CHKA: variants seen among roughly 807,000 people sequenced by gnomAD.
CHKA encodes the protein CHETK-alpha.
A neutral mutation model predicts 60.1 loss-of-function variants in CHKA; 34 were observed. The ratio of observed to expected loss-of-function variants is 0.57; its 90% CI spans 0.43 to 0.75. The LOEUF is 0.75. Ranked by LOEUF, CHKA falls within the 30% of genes least tolerant of loss-of-function variation. The probability of loss-of-function intolerance (pLI) is 0.00; values close to 1 mark genes in which losing one functional copy is unlikely to be tolerated. For synonymous variants in CHKA, 217 were observed against 223.1 expected (o/e 0.97, Z 0.24); for missense variants, 563 against 561.3 (o/e 1.00, Z -0.03).
At chr11:68,060,975 G>A (rs543065445) in intron 11 of CHKA, among the ~76,000 whole-genome samples, 13 of 151,994 alleles carry the variant, frequency 8.6e-5, no homozygotes, top group African/African-American at 3.1e-4. Flanking sequence ...CAGCTCACCA[G>A]ACTGTGGACA....
chr11:68,086,815 G>A (rs932028950), intron 2 of CHKA, among the ~76,000 whole-genome samples: 6 of 152,250 alleles, frequency 3.9e-5, no homozygotes, highest in Admixed American at 2.0e-4. Context: ...GTGAAACACC[G>A]TCTCTACTAA....
At position 68,102,316 on chromosome 11, in the gene CHKA, A is replaced by G. The variant is rs372125683; in HGVS notation, c.351-5186T>C. 3.7e-4 allele frequency among the ~76,000 whole-genome samples: 57 copies of G among 152,302 alleles called. 1 individual carries two copies. In the South Asian group the frequency reaches 6.8e-3, roughly 18 times the overall value. Reference sequence around the variant, plus strand: ...ACTACCTAACTTCAACATATACTACAAAGTCATAGTAACCAAAACAGCATG... The same window carrying G: ...ACTACCTAACTTCAACATATACTACGAAGTCATAGTAACCAAAACAGCATG... On this transcript the variant is annotated intron_variant, in intron 1 of 11. Transcript: ENST00000265689.
chr11:68,070,223 T>A lies in CHKA; in HGVS notation c.835A>T (p.Ser279Cys), dbSNP rs748944595. The change falls in exon 6 of 12, where the codon AGT (serine) becomes TGT (cysteine). Residue 279 changes from serine (S) to cysteine (C), a missense_variant. Transcript: ENST00000265689. The part of the protein sequence containing the change: ...SRIKKLHKLL[S>C]YNLPLELENL... ...TCCAGTTCCAAGGGCAGATTGTAAC[T>A]GAGCAATTTGTGGAGCTTTTTAATT... The A allele has an allele frequency of 3.1e-6, 5 of 1,614,106 alleles. No homozygotes were observed. The highest frequency in any genetic ancestry group is 4.2e-6 in the Non-Finnish European group (5 of 1,179,930).
chr11:68,053,245 T>G lies in CHKA; in HGVS notation c.*743A>C, dbSNP rs1260917460. 1 of 151,656 alleles carries G rather than the reference T, an allele frequency of 6.6e-6. No individual in the cohort carries two copies. The highest frequency in any genetic ancestry group is 2.4e-5 in the African/African-American group (1 of 41,174). 9.4% of individuals were successfully genotyped at this position (151,656 alleles called of 1,614,324 possible). A position where few individuals can be genotyped will look rare whatever the true frequency, so the allele number is the denominator to read the frequency against. On this transcript the variant is annotated 3_prime_UTR_variant, in exon 12 of 12. Transcript: ENST00000265689. ...GGAGGGGAGCCGGGAGACAGGGAGGTCCTCACACTGCCCCCGTGGCCACGC... is the reference window on the plus strand; with the variant it reads ...GGAGGGGAGCCGGGAGACAGGGAGGGCCTCACACTGCCCCCGTGGCCACGC...
intron 9 of CHKA, 35 bp downstream of exon 9, chr11:68,065,751 T>C: frequency 7.4e-7 from 1 of 1,344,546 alleles, no homozygotes; most frequent in African/African-American, 1.4e-5. Flanking sequence ...TGACATGTAA[T>C]TTTCCTATCA....
intron 2 of CHKA, among the ~76,000 whole-genome samples, chr11:68,089,300 T>G (rs547554300): frequency 2.1e-4 from 32 of 152,292 alleles, no homozygotes; most frequent in African/African-American, 7.5e-4. Context: ...AAAGGTTGAC[T>G]TGCAAGCAAC....
chr11:68,112,458 C>T (rs1858193133), intron 1 of CHKA, among the ~76,000 whole-genome samples: 2 of 152,126 alleles, frequency 1.3e-5, no homozygotes, highest in Non-Finnish European at 2.9e-5. Context: ...CAGAGTTTCA[C>T]CATGTTGGCC....
At chr11:68,071,031 C>T (rs1344200645) in intron 4 of CHKA, among the ~76,000 whole-genome samples, 174 bp from the exon 5 acceptor site, 1 of 152,186 alleles carries the variant, frequency 6.6e-6, no homozygotes, top group Non-Finnish European at 1.5e-5. Flanking sequence ...CCAGCAATTG[C>T]TATGGCATTT....
chr11:68,117,893 G>A (rs1478556474), intron 1 of CHKA, among the ~76,000 whole-genome samples: 1 of 152,122 alleles, frequency 6.6e-6, no homozygotes, highest in Non-Finnish European at 1.5e-5. Context: ...CAGAAGGTGG[G>A]GATACAAAAG....
At chr11:68,069,206 C>T (rs1261486194) in intron 6 of CHKA, among the ~76,000 whole-genome samples, 1 of 152,182 alleles carries the variant, frequency 6.6e-6, no homozygotes, top group Non-Finnish European at 1.5e-5. Flanking sequence ...GTATAGCACC[C>T]CCTTAGACAG....
At chr11:68,064,889 T>C (rs186985220) in intron 9 of CHKA, among the ~76,000 whole-genome samples, 7 of 152,284 alleles carry the variant, frequency 4.6e-5, no homozygotes, top group Admixed American at 3.3e-4. Context: ...GAGTAGCACT[T>C]AAAACATAAA....
intron 8 of CHKA, among the ~76,000 whole-genome samples, chr11:68,066,228 C>T (rs555590684): frequency 3.1e-4 from 47 of 152,340 alleles, no homozygotes; most frequent in African/African-American, 9.9e-4. Flanking sequence ...CCCCAACTAG[C>T]GCTGTCTGCT....
At chr11:68,089,714 C>G (rs1447573821) in intron 2 of CHKA, 1 of 152,200 alleles carries the variant, frequency 6.6e-6, no homozygotes, top group Non-Finnish European at 1.5e-5. Flanking sequence ...TGCTACTTAA[C>G]AAGCATTACA....
chr11:68,111,723 T>C (rs1349969753), intron 1 of CHKA, among the ~76,000 whole-genome samples: 4 of 151,946 alleles, frequency 2.6e-5, no homozygotes, highest in Admixed American at 1.3e-4. Context: ...ATGTAACAAA[T>C]GTCTTTTACA....
At chr11:68,082,752 G>A (rs911018866) in intron 2 of CHKA, among the ~76,000 whole-genome samples, 2 of 152,242 alleles carry the variant, frequency 1.3e-5, no homozygotes, top group African/African-American at 2.4e-5. Flanking sequence ...GGCTCTTAAC[G>A]TTTGCACTGA....
chr11:68,115,737 GAAAA>G lies in CHKA; in HGVS notation c.350+5087_350+5090del, dbSNP rs1367742686. 6.6e-5 allele frequency among the ~76,000 whole-genome samples: 10 copies of G among 152,116 alleles called. No homozygotes were observed. The South Asian group carries it at 2.1e-3, about 32-fold the overall frequency. On this transcript the variant is annotated intron_variant, in intron 1 of 11. Coordinates refer to ENST00000265689, the MANE Select transcript of CHKA (RefSeq NM_001277.3). ...GTGTATTAGTTTAAAAAGGAAGAAA[GAAAA>G]AGAAAGCCAGCAAGCCAGCCACCCA...
At chr11:68,058,270 CTTCT>C (rs936910775) in intron 11 of CHKA, among the ~76,000 whole-genome samples, 1 of 152,182 alleles carries the variant, frequency 6.6e-6, no homozygotes, top group Admixed American at 6.6e-5. Flanking sequence ...TAGTAGAAGT[CTTCT>C]TTGTTCTTTT....
intron 1 of CHKA, among the ~76,000 whole-genome samples, chr11:68,117,601 C>T (rs1037522682): frequency 2.0e-5 from 3 of 152,062 alleles, no homozygotes; most frequent in East Asian, 1.9e-4. Flanking sequence ...GCACAAGAAT[C>T]GCTCGAACCC....
chr11:68,120,829 T>C lies in CHKA; in HGVS notation c.349A>G (p.Arg117Gly). 1 of 1,242,398 alleles carries C rather than the reference T, an allele frequency of 8.0e-7. No individual in the cohort carries two copies. The allele number at this position is 1,242,398 out of a possible 1,614,324, so 77.0% of individuals were successfully genotyped here. Residue 117 changes from arginine to glycine, a missense_variant and splice_region_variant, in exon 1 of 12, where the codon AGA (arginine) becomes GGA (glycine). By Grantham distance (125) the Arg-to-Gly change is moderately radical (BLOSUM62 -2). Transcript: ENST00000265689. ...REDEFHISVIRGGLSNMLFQC... is the reference protein window; with the variant it reads ...REDEFHISVIGGGLSNMLFQC... ...GCCCCCAGACCCGGCGCCACCGACC[T>C]GATGACACTGATGTGGAACTCGTCC...
Sources: allele counts gnomAD v4.1 joint callset (sites outside exome capture counted in the v4.1 genomes callset), GRCh38; gene constraint gnomAD v4.1.1; transcripts MANE v1.5; gene names NCBI Gene and HGNC (gene_info 2026-07-23, HGNC 2026-07-21).